The following PRKAG2 variants were observed in gnomAD, a reference collection of about 807,000 sequenced individuals.
PRKAG2 encodes protein kinase AMP-activated non-catalytic subunit gamma 2, also known as 5'-AMP-activated protein kinase subunit gamma-2.
PRKAG2 carries 26 observed loss-of-function variants against 69.6 expected under a neutral mutation model. That is an observed-to-expected ratio of 0.37 (90% CI 0.27 to 0.52). The LOEUF (loss-of-function observed/expected upper bound fraction) is 0.52, where lower values mean the gene tolerates loss of function less well. Among genes scored for constraint, PRKAG2 ranks in the 20% least tolerant of loss-of-function variants. The probability of loss-of-function intolerance (pLI) is 0.90; values close to 1 mark genes in which losing one functional copy is unlikely to be tolerated. For synonymous variants in PRKAG2, 293 were observed against 285.0 expected (o/e 1.03, Z -0.28); for missense variants, 557 against 740.0 (o/e 0.75, Z 2.87).
At chr7:151,743,221 T>C (rs574697426) in intron 3 of PRKAG2, among the ~76,000 whole-genome samples, 31 of 152,348 alleles carry the variant, frequency 2.0e-4, no homozygotes, top group Admixed American at 1.6e-3. Context: ...TATTTTCTAA[T>C]GTATTTTTAA....
chr7:151,748,537 T>G (rs144835344), intron 3 of PRKAG2, among the ~76,000 whole-genome samples: 1 of 152,316 alleles, frequency 6.6e-6, no homozygotes, highest in Admixed American at 6.5e-5. Flanking sequence ...ATATGATTTT[T>G]AAAGGCTTCT....
At position 151,696,966 on chromosome 7, in the gene PRKAG2, C is replaced by T. The variant is rs528415715; in HGVS notation, c.467-21329G>A. ...AGGCCCTGTTCACCTGCCGCAGATT[C>T]CCCGAGAGCCAGGCAGAAAAAGTGG... On this transcript the variant is annotated intron_variant, in intron 3 of 15. Coordinates refer to ENST00000287878, the MANE Select transcript of PRKAG2 (RefSeq NM_016203.4). 7.2e-5 allele frequency among the ~76,000 whole-genome samples: 11 copies of T among 152,272 alleles called. No homozygotes were observed. The East Asian group carries it at 1.6e-3, about 21-fold the overall frequency.
At chr7:151,754,066 A>G (rs1185515991) in intron 3 of PRKAG2, among the ~76,000 whole-genome samples, 1 of 152,196 alleles carries the variant, frequency 6.6e-6, no homozygotes, top group African/African-American at 2.4e-5. Flanking sequence ...AAGTAAGAGC[A>G]TGTGTTAGTG....
intron 1 of PRKAG2, among the ~76,000 whole-genome samples, chr7:151,869,522 C>T (rs761585124): frequency 1.2e-4 from 19 of 152,286 alleles, no homozygotes; most frequent in African/African-American, 3.1e-4. Flanking sequence ...AGGTGACTCC[C>T]GCAAGGCACT....
chr7:151,649,362 G>C (rs753242499), intron 4 of PRKAG2, among the ~76,000 whole-genome samples: 1 of 152,222 alleles, frequency 6.6e-6, no homozygotes, highest in East Asian at 1.9e-4. Flanking sequence ...CTGATCTCAA[G>C]TGATCCTCTC....
intron 11 of PRKAG2, among the ~76,000 whole-genome samples, chr7:151,568,023 G>A (rs911011866): frequency 6.6e-6 from 1 of 152,198 alleles, no homozygotes; most frequent in African/African-American, 2.4e-5. Flanking sequence ...GGTTCTATTT[G>A]ACTGATTACT....
intron 4 of PRKAG2, among the ~76,000 whole-genome samples, chr7:151,671,485 A>G (rs1380058244): frequency 6.6e-6 from 1 of 152,206 alleles, no homozygotes; most frequent in Non-Finnish European, 1.5e-5. Flanking sequence ...ATCCAATTAT[A>G]AAGGAGCAAA....
At chr7:151,799,938 T>G (rs1004938847) in intron 1 of PRKAG2, among the ~76,000 whole-genome samples, 3 of 152,214 alleles carry the variant, frequency 2.0e-5, no homozygotes, top group Non-Finnish European at 4.4e-5. Flanking sequence ...GCTAGCTCTT[T>G]TAAAATTTTA....
At chr7:151,838,756 G>A (rs1280037376) in intron 1 of PRKAG2, among the ~76,000 whole-genome samples, 3 of 150,544 alleles carry the variant, frequency 2.0e-5, no homozygotes, top group Non-Finnish European at 3.0e-5. Context: ...GGCTCACACC[G>A]GTAATCCCAA....
intron 3 of PRKAG2, among the ~76,000 whole-genome samples, chr7:151,774,116 A>G (rs1453338374): frequency 1.3e-5 from 2 of 152,210 alleles, no homozygotes; most frequent in Non-Finnish European, 2.9e-5. Context: ...GACTCTGATC[A>G]TCAAAGGGAA....
At position 151,828,089 on chromosome 7, in the gene PRKAG2, C is replaced by A. The variant is rs2078948340; in HGVS notation, c.115-41548G>T. On this transcript the variant is annotated intron_variant, in intron 1 of 15. Transcript: ENST00000287878. This position sits in a 1 kb window ranked among gnomAD's most constrained non-coding sequence, Gnocchi z 4.6. ...AAGTGGATCCAGGTGCACTGGGCCA[C>A]CCATTCACCCAGCAAGCACACAGCA... Among the ~76,000 whole-genome samples, 1 of 152,218 alleles carries A rather than the reference C, an allele frequency of 6.6e-6. No individual in the cohort carries two copies. The highest frequency in any genetic ancestry group is 1.5e-5 in the Non-Finnish European group (1 of 68,044).
rs553694678 is a variant in PRKAG2 at position 151,708,869 on chromosome 7, G to A, written c.467-33232C>T. On this transcript the variant is annotated intron_variant, in intron 3 of 15. Transcript: ENST00000287878. Reference sequence around the variant, plus strand: ...CACCTGACACTAAACCCCAGCACAGGTTCAGCTCGGGGCACCCATGGACAG... The same window carrying A: ...CACCTGACACTAAACCCCAGCACAGATTCAGCTCGGGGCACCCATGGACAG... Among the ~76,000 whole-genome samples, 6 of 152,296 alleles carry A rather than the reference G, an allele frequency of 3.9e-5. No individual in the cohort carries two copies. In the South Asian group the frequency reaches 1.2e-3, roughly 32 times the overall value.
At chr7:151,662,068 C>T (rs1235603292) in intron 4 of PRKAG2, among the ~76,000 whole-genome samples, 1 of 152,210 alleles carries the variant, frequency 6.6e-6, no homozygotes, top group Non-Finnish European at 1.5e-5. Flanking sequence ...TGCATTTTCA[C>T]ACAACTCTAT....
In PRKAG2 at chr7:151,783,912, CAAAAAAAAA is replaced by C. The variant is rs536105914; in HGVS notation, c.187-2490_187-2482del. ...TTGGGTACAGAGCAAGACCCTGTCT[CAAAAAAAAA>C]AAAAAAAAAAAAAAAAAAGAGGTTC... On this transcript the variant is annotated intron_variant, in intron 2 of 15. Transcript: ENST00000287878. 4.9e-3 allele frequency among the ~76,000 whole-genome samples: 141 copies of C among 28,956 alleles called. No homozygotes were observed. The Middle Eastern group carries it at 0.083, about 17-fold the overall frequency. The allele number at this position is 28,956 out of a possible 152,430, so 19.0% of individuals were successfully genotyped here.
chr7:151,728,054 C>T (rs1798290194), intron 3 of PRKAG2, among the ~76,000 whole-genome samples: 1 of 152,234 alleles, frequency 6.6e-6, no homozygotes, highest in African/African-American at 2.4e-5. Context: ...TCCGTGGATC[C>T]CTCCAGGCCC....
At chr7:151,755,425 ACAGT>A (rs2075021214) in intron 3 of PRKAG2, among the ~76,000 whole-genome samples, 1 of 152,098 alleles carries the variant, frequency 6.6e-6, no homozygotes, top group Non-Finnish European at 1.5e-5. Context: ...TGCACAAGAC[ACAGT>A]CAGAGCCAGC....
intron 6 of PRKAG2, among the ~76,000 whole-genome samples, chr7:151,592,122 TC>T (rs1813335877): frequency 9.6e-6 from 1 of 104,190 alleles, no homozygotes; most frequent in African/African-American, 3.7e-5. Context: ...CACCGGTGCC[TC>T]CCCTACCTCG....
chr7:151,809,363 G>T, intron 1 of PRKAG2: 1 of 415,702 alleles, frequency 2.4e-6, no homozygotes, highest in East Asian at 7.3e-5. Context: ...GTGTCGGAGT[G>T]GGCCTCATTC....
At position 151,850,452 on chromosome 7, in the gene PRKAG2, C is replaced by T. The variant is rs1003303544; in HGVS notation, c.114+26055G>A. On this transcript the variant is annotated intron_variant, in intron 1 of 15. Transcript: ENST00000287878. This position sits in a 1 kb window ranked among gnomAD's most constrained non-coding sequence, Gnocchi z 4.1. ...GGGCAACCTGTCCCATGCTCTGCCT[C>T]GAAGCACACGTCATCTGGTGGGCAG... is the stretch of plus-strand genomic sequence containing the variant. 3.3e-5 allele frequency among the ~76,000 whole-genome samples: 5 copies of T among 152,320 alleles called. No homozygotes were observed. The highest frequency in any genetic ancestry group is 4.8e-5 in the African/African-American group (2 of 41,570).
Sources: gnomAD v4.1 joint callset for allele counts (sites outside exome capture counted in the v4.1 genomes callset) on GRCh38, gnomAD v4.1.1 for gene constraint, Gnocchi (gnomAD v3.1) non-coding constraint, MANE v1.5 for transcripts, NCBI Gene and HGNC (gene_info 2026-07-23, HGNC 2026-07-21) for gene names.